The following SLCO3A1 variants were observed in gnomAD, a reference collection of about 807,000 sequenced individuals.
The protein encoded by SLCO3A1 is solute carrier organic anion transporter family member 3A1.
A neutral mutation model predicts 63.1 loss-of-function variants in SLCO3A1; 27 were observed. That is an observed-to-expected ratio of 0.43 (90% CI 0.32 to 0.59). SLCO3A1 has a LOEUF of 0.59. Among genes scored for constraint, SLCO3A1 ranks in the 20% least tolerant of loss-of-function variants. SLCO3A1 has a pLI of 0.09. For missense variants in SLCO3A1, 773 were observed against 945.8 expected (o/e 0.82, Z 2.40); for synonymous variants, 473 against 409.9 (o/e 1.15, Z -1.86).
rs112117492 is a variant in SLCO3A1, at chr15:91,942,562, C to G, written c.646+26104C>G. On this transcript the variant is annotated intron_variant, in intron 2 of 9. Coordinates refer to ENST00000318445, the MANE Select transcript of SLCO3A1 (RefSeq NM_013272.4). This position sits in a 1 kb window ranked among gnomAD's most constrained non-coding sequence, Gnocchi z 4.1. ...TCAAACTTTGTTTTGCAACAGAACTCTGCTGGAAATGTATGTTTGTTTGTT... is the reference window on the plus strand; with the variant it reads ...TCAAACTTTGTTTTGCAACAGAACTGTGCTGGAAATGTATGTTTGTTTGTT... Among the ~76,000 whole-genome samples, 1,018 of 151,948 alleles carry G rather than the reference C, an allele frequency of 6.7e-3. 18 individuals carry two copies. The highest frequency in any genetic ancestry group is 0.023 in the African/African-American group (973 of 41,462).
At chr15:91,861,494 G>A (rs1295249601) in intron 1 of SLCO3A1, among the ~76,000 whole-genome samples, 1 of 152,196 alleles carries the variant, frequency 6.6e-6, no homozygotes, top group African/African-American at 2.4e-5. Flanking sequence ...ATATGACTGG[G>A]CATTCCTCTT....
chr15:91,924,576 A>G (rs1006168963), intron 2 of SLCO3A1, among the ~76,000 whole-genome samples: 2 of 152,216 alleles, frequency 1.3e-5, no homozygotes, highest in African/African-American at 2.4e-5. Context: ...TGTGAATGTC[A>G]CAGCCAGAAA....
chr15:92,080,169 G>C (rs544134710), intron 2 of SLCO3A1, among the ~76,000 whole-genome samples: 66 of 152,308 alleles, frequency 4.3e-4, no homozygotes, highest in Non-Finnish European at 6.3e-4. Context: ...TCCTGAAGTC[G>C]TCTAGCTTTG....
In SLCO3A1 at chr15:91,871,031, G is replaced by T. The variant is rs117497106; in HGVS notation, c.180+16943G>T. On this transcript the variant is annotated intron_variant, in intron 1 of 9. Transcript: ENST00000318445. The stretch of plus-strand genomic sequence containing the variant: ...GAGTTCTTTGTCTTTGACACCTACT[G>T]TTGCTTTCTTGCCTTTCCAGGAGTC... 2.9e-3 allele frequency among the ~76,000 whole-genome samples: 434 copies of T among 152,260 alleles called. 1 individual carries two copies. The highest frequency in any genetic ancestry group is 5.5e-3 in the Admixed American group (84 of 15,300).
intron 9 of SLCO3A1, among the ~76,000 whole-genome samples, chr15:92,156,359 C>A (rs944024252): frequency 2.0e-5 from 3 of 152,144 alleles, no homozygotes; most frequent in Non-Finnish European, 4.4e-5. Flanking sequence ...CAGCAGTGGA[C>A]CTCACCTCCT....
rs917759465 is a variant in SLCO3A1 at position 91,875,725 on chromosome 15, A to G, written c.180+21637A>G. ...GATGACTGAAAATCAGGTAATAAACATGAAGCAGTGACAGTGATTCTAGAG... is the reference window on the plus strand; with the variant it reads ...GATGACTGAAAATCAGGTAATAAACGTGAAGCAGTGACAGTGATTCTAGAG... On this transcript the variant is annotated intron_variant, in intron 1 of 9. Coordinates refer to ENST00000318445, the MANE Select transcript of SLCO3A1 (RefSeq NM_013272.4). This position sits in a 1 kb window ranked among gnomAD's most constrained non-coding sequence, Gnocchi z 4.5. 6.6e-6 allele frequency among the ~76,000 whole-genome samples: 1 copy of G among 152,246 alleles called. No homozygotes were observed. Among genetic ancestry groups the G allele is most frequent in the Non-Finnish European group, 1.5e-5 (1 of 68,040 alleles).
At position 91,916,500 on chromosome 15, in the gene SLCO3A1, G is replaced by C. The variant is rs2151380055; in HGVS notation, c.646+42G>C. The C allele has an allele frequency of 1.4e-6, 2 of 1,437,736 alleles. No individual in the cohort carries two copies. The highest frequency in any genetic ancestry group is 4.8e-5 in the East Asian group (2 of 41,322). The allele number at this position is 1,437,736 out of a possible 1,614,324, so 89.1% of individuals were successfully genotyped here. ...CCGTATTAGCAAGAGACCAGGGTGTGTTGACCATGGATAAAAGGTGGCCTG... is the reference window on the plus strand; with the variant it reads ...CCGTATTAGCAAGAGACCAGGGTGTCTTGACCATGGATAAAAGGTGGCCTG... On this transcript the variant is annotated intron_variant, in intron 2 of 9. Coordinates refer to ENST00000318445, the MANE Select transcript of SLCO3A1 (RefSeq NM_013272.4). This position sits in a 1 kb window ranked among gnomAD's most constrained non-coding sequence, Gnocchi z 6.2.
intron 3 of SLCO3A1, among the ~76,000 whole-genome samples, chr15:92,101,804 G>A (rs1040869793): frequency 2.0e-5 from 3 of 152,198 alleles, no homozygotes; most frequent in Non-Finnish European, 4.4e-5. Context: ...CCCGTCTCCT[G>A]TACTTGCCCG....
At position 92,165,224 on chromosome 15, in the gene SLCO3A1, C is replaced by T; in HGVS notation, c.*2089C>T. Reference sequence around the variant, plus strand: ...GGGGCAGGATGCTTCTGAGACAGGCCTTTCAACTGCTTAGTGTTAGTATGT... The same window carrying T: ...GGGGCAGGATGCTTCTGAGACAGGCTTTTCAACTGCTTAGTGTTAGTATGT... On this transcript the variant is annotated 3_prime_UTR_variant, in exon 10 of 10. Coordinates refer to ENST00000318445, the MANE Select transcript of SLCO3A1 (RefSeq NM_013272.4). The T allele has an allele frequency of 1.0e-6, 1 of 985,328 alleles. No individual in the cohort carries two copies. Among genetic ancestry groups the T allele is most frequent in the African/African-American group, 1.7e-5 (1 of 57,270 alleles). The allele number at this position is 985,328 out of a possible 1,614,324, so 61.0% of individuals were successfully genotyped here.
At chr15:92,075,599 G>A (rs930005033) in intron 2 of SLCO3A1, among the ~76,000 whole-genome samples, 3 of 152,248 alleles carry the variant, frequency 2.0e-5, no homozygotes, top group Non-Finnish European at 2.9e-5. Flanking sequence ...GCTTGCAGGC[G>A]AATGCTGGCT....
At chr15:92,156,796 CAG>C (rs200559778) in intron 9 of SLCO3A1, among the ~76,000 whole-genome samples, 8,765 of 152,216 alleles carry the variant, frequency 0.058, 326 homozygotes, top group South Asian at 0.086. Flanking sequence ...CAGAGAGAAA[CAG>C]ATATCTTTTT....
At chr15:91,857,839 T>A (rs1896962587) in intron 1 of SLCO3A1, among the ~76,000 whole-genome samples, 1 of 152,218 alleles carries the variant, frequency 6.6e-6, no homozygotes, top group Admixed American at 6.5e-5. Flanking sequence ...CAAATACATT[T>A]GAATTTCCTC....
chr15:91,945,084 G>A (rs1899757441), intron 2 of SLCO3A1, among the ~76,000 whole-genome samples: 1 of 152,158 alleles, frequency 6.6e-6, no homozygotes, highest in Non-Finnish European at 1.5e-5. Context: ...GGTGGCTCAT[G>A]CCTGTAATCC....
At chr15:91,975,464 A>G (rs558531687) in intron 2 of SLCO3A1, among the ~76,000 whole-genome samples, 1 of 152,234 alleles carries the variant, frequency 6.6e-6, no homozygotes, top group African/African-American at 2.4e-5. Flanking sequence ...CATTGGCAGG[A>G]TTAGCCACAG....
chr15:92,077,021 A>G (rs1275903683), intron 2 of SLCO3A1, among the ~76,000 whole-genome samples: 2 of 152,254 alleles, frequency 1.3e-5, no homozygotes, highest in Non-Finnish European at 2.9e-5. Flanking sequence ...TGGCAGAAGA[A>G]GAAGCAATCA....
intron 2 of SLCO3A1, among the ~76,000 whole-genome samples, chr15:91,995,788 AAAG>A (rs1405658455): frequency 4.6e-5 from 7 of 151,314 alleles, no homozygotes; most frequent in Non-Finnish European, 7.4e-5. Flanking sequence ...TGGAAAAAAA[AAAG>A]TTCATAAAGT....
chr15:92,109,329 T>C (rs980571438), intron 4 of SLCO3A1, among the ~76,000 whole-genome samples: 1 of 152,140 alleles, frequency 6.6e-6, no homozygotes, highest in Non-Finnish European at 1.5e-5. Context: ...TCTTAAAGAA[T>C]AAGTGGCGTC....
intron 9 of SLCO3A1, among the ~76,000 whole-genome samples, chr15:92,155,948 A>G (rs1185887777): frequency 6.6e-6 from 1 of 152,116 alleles, no homozygotes; most frequent in Non-Finnish European, 1.5e-5. Context: ...TTAATTTTCC[A>G]GCCTGCCCGC....
At position 92,164,703 on chromosome 15, in the gene SLCO3A1, G is replaced by C. The variant is rs983519201; in HGVS notation, c.*1568G>C. 3.0e-6 allele frequency: 3 copies of C among 985,364 alleles called. No individual in the cohort carries two copies. Among genetic ancestry groups the C allele is most frequent in the South Asian group, 4.7e-5 (1 of 21,288 alleles). The allele number at this position is 985,364 out of a possible 1,614,324, so 61.0% of individuals were successfully genotyped here. ...CTGTGACATTTTCAGTGTTAGTCTTGAACTAAGGCCCTTGTCTGTGTGTTT... is the reference window on the plus strand; with the variant it reads ...CTGTGACATTTTCAGTGTTAGTCTTCAACTAAGGCCCTTGTCTGTGTGTTT... On this transcript the variant is annotated 3_prime_UTR_variant, in exon 10 of 10. Coordinates refer to ENST00000318445, the MANE Select transcript of SLCO3A1 (RefSeq NM_013272.4).
Sources: allele counts gnomAD v4.1 joint callset (sites outside exome capture counted in the v4.1 genomes callset), GRCh38; gene constraint gnomAD v4.1.1; non-coding constraint Gnocchi (gnomAD v3.1); transcripts MANE v1.5; gene names NCBI Gene and HGNC (gene_info 2026-07-23, HGNC 2026-07-21).